The following WDFY3 variants were observed in gnomAD, a reference collection of about 807,000 sequenced individuals.
WDFY3 encodes WD repeat and FYVE domain containing 3.
A neutral mutation model predicts 409.6 loss-of-function variants in WDFY3; 66 were observed. That is an observed-to-expected ratio of 0.16 (90% confidence interval 0.13 to 0.20). The LOEUF is 0.20. Among genes scored for constraint, WDFY3 ranks in the 10% least tolerant of loss-of-function variants. WDFY3 has a pLI of 1.00. For synonymous variants in WDFY3, 1,521 were observed against 1,537.1 expected (o/e 0.99, Z 0.25); for missense variants, 3,031 against 4,298.1 (o/e 0.71, Z 8.24).
At chr4:84,678,428 T>G (rs1726735580) in intron 65 of WDFY3, 149 bp from the exon 66 acceptor site, 5 of 591,180 alleles carry the variant, frequency 8.5e-6, no homozygotes, top group Non-Finnish European at 1.5e-5. Flanking sequence ...GCTGCCTTGG[T>G]TGAAAGTAAA....
intron 38 of WDFY3, among the ~76,000 whole-genome samples, chr4:84,741,316 GTT>G (rs879900100): frequency 2.1e-5 from 3 of 140,548 alleles, no homozygotes; most frequent in Admixed American, 7.2e-5. Context: ...TCTCTATTCA[GTT>G]TTTTTTTTTT....
intron 36 of WDFY3, among the ~76,000 whole-genome samples, chr4:84,744,625 G>A (rs1445764848): frequency 3.3e-5 from 5 of 151,494 alleles, no homozygotes; most frequent in East Asian, 1.9e-4. Flanking sequence ...AGGCCGAGGC[G>A]GGCGGATCAC....
intron 5 of WDFY3, among the ~76,000 whole-genome samples, chr4:84,844,754 C>T (rs560508258): frequency 6.6e-6 from 1 of 152,278 alleles, no homozygotes; most frequent in East Asian, 1.9e-4. Context: ...TGACCATGTG[C>T]CCTTAAACTT....
At chr4:84,917,064 G>A (rs1444682569) in intron 2 of WDFY3, among the ~76,000 whole-genome samples, 2 of 152,126 alleles carry the variant, frequency 1.3e-5, no homozygotes, top group African/African-American at 2.4e-5. Flanking sequence ...AAAAATAGAT[G>A]AATAGATATC....
intron 63 of WDFY3, among the ~76,000 whole-genome samples, chr4:84,683,286 T>G (rs1727715218): frequency 6.6e-6 from 1 of 152,164 alleles, no homozygotes; most frequent in Non-Finnish European, 1.5e-5. Flanking sequence ...CTTCACTGTC[T>G]TTCAACATGT....
At chr4:84,741,966 C>T in intron 37 of WDFY3, 45 bp from the exon 38 acceptor site, 1 of 1,513,352 alleles carries the variant, frequency 6.6e-7, no homozygotes, top group Non-Finnish European at 8.9e-7. Context: ...TGATATCTAC[C>T]AACACAGGAC....
In WDFY3 at chr4:84,696,726, C is replaced by T. The variant is rs955849912; in HGVS notation, c.8688+6G>A. ...CAACTTCAATTGTAAAATGTACTTC[C>T]ATTACCTCACGATGGACTCTGATGA... On this transcript the variant is annotated splice_donor_region_variant and intron_variant, in intron 57 of 67. Coordinates refer to ENST00000295888, the MANE Select transcript of WDFY3 (RefSeq NM_014991.6). The T allele has an allele frequency of 6.2e-7, 1 of 1,612,754 alleles. No individual in the cohort carries two copies. The highest frequency in any genetic ancestry group is 8.5e-7 in the Non-Finnish European group (1 of 1,179,210).
intron 2 of WDFY3, among the ~76,000 whole-genome samples, chr4:84,930,135 T>G (rs1475951297): frequency 6.6e-6 from 1 of 152,166 alleles, no homozygotes; most frequent in Non-Finnish European, 1.5e-5. Context: ...CTTAGTACTT[T>G]GTTACAGCAG....
intron 56 of WDFY3, among the ~76,000 whole-genome samples, chr4:84,697,625 C>A (rs1189044861): frequency 1.3e-5 from 2 of 152,056 alleles, no homozygotes; most frequent in Admixed American, 1.3e-4. Flanking sequence ...TGCATCTAAA[C>A]AAAAAGGGTG....
intron 19 of WDFY3, among the ~76,000 whole-genome samples, chr4:84,795,388 C>T (rs1299976252): frequency 1.3e-5 from 2 of 152,264 alleles, no homozygotes; most frequent in South Asian, 4.2e-4. Context: ...GATAATGACC[C>T]ATGATAATAT....
At chr4:84,949,539 A>C (rs1432231971) in intron 1 of WDFY3, among the ~76,000 whole-genome samples, 2 of 152,232 alleles carry the variant, frequency 1.3e-5, no homozygotes, top group East Asian at 3.8e-4. Flanking sequence ...CAGAGCAATG[A>C]AAGAGTATAT....
chr4:84,784,858 G>GTGTGTATA (rs1425735455), intron 24 of WDFY3, among the ~76,000 whole-genome samples: 1 of 88,994 alleles, frequency 1.1e-5, no homozygotes, highest in African/African-American at 5.0e-5. Context: ...AAGTGTATAT[G>GTGTGTATA]TATATATATA....
chr4:84,688,126 T>G lies in WDFY3; in HGVS notation c.9503A>C (p.His3168Pro). The G allele has an allele frequency of 6.2e-7, 1 of 1,614,196 alleles. No homozygotes were observed. ...KLSFLTQLRG[H>P]RAPVSALCIN... ...ACAAAGAGCAGAAACTGGAGCTCGA[T>G]GCCCTCGAAGCTGGGTTAGAAATGA... Residue 3168 changes from histidine (H) to proline (P), a missense_variant, in exon 62 of 68, where the codon CAT becomes CCT. His to Pro is a moderately conservative substitution (Grantham distance 77, BLOSUM62 -2). This residue lies in a region of WDFY3 where 378 missense variants were observed against 477.3 expected (regional missense o/e 0.79). Coordinates refer to ENST00000295888, the MANE Select transcript of WDFY3 (RefSeq NM_014991.6).
At chr4:84,944,727 G>C (rs1221032650) in intron 1 of WDFY3, among the ~76,000 whole-genome samples, 2 of 152,050 alleles carry the variant, frequency 1.3e-5, no homozygotes, top group Non-Finnish European at 2.9e-5. Flanking sequence ...CTGGGAGGCA[G>C]GTTGCAGTGA....
At chr4:84,819,446 C>G (rs1753760394) in intron 12 of WDFY3, among the ~76,000 whole-genome samples, 1 of 152,044 alleles carries the variant, frequency 6.6e-6, no homozygotes, top group African/African-American at 2.4e-5. Context: ...GCCTACTAAT[C>G]TGAACTCATT....
intron 65 of WDFY3, 119 bp downstream of exon 65, chr4:84,678,800 C>T (rs1217618791): frequency 1.7e-6 from 2 of 1,144,548 alleles, no homozygotes; most frequent in East Asian, 2.4e-5. Flanking sequence ...GTGTGAGTGG[C>T]CCAGCTCACG....
At chr4:84,790,335 C>T (rs554008362) in intron 21 of WDFY3, among the ~76,000 whole-genome samples, 3 of 151,748 alleles carry the variant, frequency 2.0e-5, no homozygotes, top group East Asian at 3.9e-4. Flanking sequence ...GGTGACAGAG[C>T]GAGACTCCAT....
At chr4:84,803,239 C>T (rs766122126) in intron 16 of WDFY3, 51 bp downstream of exon 16, 1 of 1,525,620 alleles carries the variant, frequency 6.6e-7, no homozygotes, top group African/African-American at 1.4e-5. Flanking sequence ...TACTCACATC[C>T]TTTCATTCAT....
At chr4:84,745,137 C>T (rs971814518) in intron 36 of WDFY3, among the ~76,000 whole-genome samples, 3 of 152,050 alleles carry the variant, frequency 2.0e-5, no homozygotes, top group African/African-American at 7.2e-5. Flanking sequence ...AATCCAGGTG[C>T]ATAACTTTCC....
Sources: allele counts gnomAD v4.1 joint callset (sites outside exome capture counted in the v4.1 genomes callset), GRCh38; gene constraint gnomAD v4.1.1; regional missense constraint gnomAD v4.1.1; transcripts MANE v1.5; gene names NCBI Gene and HGNC (gene_info 2026-07-23, HGNC 2026-07-21).